The following CNTN4 variants were observed in gnomAD, a reference collection of about 807,000 sequenced individuals.
The protein encoded by CNTN4 is contactin-4.
Under a neutral mutation model 122.5 loss-of-function variants are expected in CNTN4, and 77 were observed. The ratio of observed to expected loss-of-function variants is 0.63; its 90% CI spans 0.52 to 0.76. The LOEUF is 0.76. Among genes scored for constraint, CNTN4 ranks in the 30% least tolerant of loss-of-function variants. The pLI is 0.00. For missense variants in CNTN4, 1,256 were observed against 1,259.1 expected (o/e 1.00, Z 0.04); for synonymous variants, 512 against 447.0 (o/e 1.15, Z -1.83).
chr3:2,763,227 A>G (rs138253800), intron 6 of CNTN4, among the ~76,000 whole-genome samples: 2,477 of 152,252 alleles, frequency 0.016, 38 homozygotes, highest in African/African-American at 0.043. Context: ...TTACAGGCGT[A>G]AGCCACCACA....
chr3:2,127,710 C>T (rs1298138658), intron 2 of CNTN4, among the ~76,000 whole-genome samples: 1 of 152,102 alleles, frequency 6.6e-6, no homozygotes, highest in African/African-American at 2.4e-5. Context: ...TGCTCAGTAC[C>T]AAGAATTCTT....
intron 2 of CNTN4, among the ~76,000 whole-genome samples, chr3:2,226,569 C>T (rs1257564635): frequency 6.6e-6 from 1 of 152,104 alleles, no homozygotes; most frequent in African/African-American, 2.4e-5. Flanking sequence ...AATTTCATTT[C>T]ATTAATTATG....
intron 3 of CNTN4, among the ~76,000 whole-genome samples, chr3:2,502,321 T>A (rs1217779237): frequency 6.6e-6 from 1 of 152,140 alleles, no homozygotes; most frequent in Non-Finnish European, 1.5e-5. Flanking sequence ...TCCTCTAGTA[T>A]CCCAGTTTTA....
intron 14 of CNTN4, among the ~76,000 whole-genome samples, chr3:2,989,785 C>T (rs1417580540): frequency 6.6e-6 from 1 of 152,122 alleles, no homozygotes; most frequent in African/African-American, 2.4e-5. Context: ...AAGTGCAGTT[C>T]TAGCTAGAGG....
chr3:2,394,461 A>G (rs2046562638), intron 3 of CNTN4, among the ~76,000 whole-genome samples: 1 of 152,212 alleles, frequency 6.6e-6, no homozygotes, highest in Non-Finnish European at 1.5e-5. Flanking sequence ...ACCAATGTAC[A>G]CATGAAAAAA....
intron 2 of CNTN4, among the ~76,000 whole-genome samples, chr3:2,259,431 C>G (rs1401362322): frequency 2.0e-5 from 3 of 152,060 alleles, no homozygotes; most frequent in Admixed American, 6.6e-5. Flanking sequence ...GCAACACAGC[C>G]AAAAGTCTAT....
intron 4 of CNTN4, among the ~76,000 whole-genome samples, chr3:2,729,738 C>T (rs561393194): frequency 1.1e-4 from 16 of 151,688 alleles, no homozygotes; most frequent in Non-Finnish European, 2.2e-4. Flanking sequence ...CATGCTGAAA[C>T]CCCGTCTCTA....
intron 3 of CNTN4, among the ~76,000 whole-genome samples, chr3:2,393,223 A>C (rs1280178375): frequency 1.3e-5 from 2 of 148,938 alleles, no homozygotes; most frequent in Admixed American, 6.8e-5. Flanking sequence ...TCCTATTTTT[A>C]TGAGAATACC....
chr3:2,284,308 CAATTA>C (rs2041829579), intron 2 of CNTN4, among the ~76,000 whole-genome samples: 1 of 151,982 alleles, frequency 6.6e-6, no homozygotes, highest in Non-Finnish European at 1.5e-5. Flanking sequence ...GATGCAAAAC[CAATTA>C]AATTATTTGA....
Position 2,377,304 on chromosome 3 carries a change from A to C in CNTN4, c.-89+38071A>C, listed in dbSNP as rs572901662. ...GGAAGGAAGCAAATGGGTTGCATTG[A>C]ACTCTCTTTAATATGAGTGCTATCT... is the stretch of plus-strand genomic sequence containing the variant. On this transcript the variant is annotated intron_variant, in intron 3 of 24. Transcript: ENST00000418658. Among the ~76,000 whole-genome samples, 9 of 152,316 alleles carry C rather than the reference A, an allele frequency of 5.9e-5. 1 individual carries two copies. The South Asian group carries it at 1.9e-3, about 32-fold the overall frequency.
chr3:2,991,559 G>T (rs1338071674), intron 14 of CNTN4, among the ~76,000 whole-genome samples: 1 of 152,180 alleles, frequency 6.6e-6, no homozygotes, highest in African/African-American at 2.4e-5. Context: ...TTATCTCCCA[G>T]TGTGGTTGGT....
At chr3:2,724,243 A>G (rs1205490312) in intron 4 of CNTN4, among the ~76,000 whole-genome samples, 1 of 152,144 alleles carries the variant, frequency 6.6e-6, no homozygotes, top group Non-Finnish European at 1.5e-5. Flanking sequence ...AATGTAGAAC[A>G]TATGTCTGGT....
chr3:2,976,945 T>A (rs1422913340), intron 13 of CNTN4, among the ~76,000 whole-genome samples: 1 of 152,038 alleles, frequency 6.6e-6, no homozygotes, highest in Non-Finnish European at 1.5e-5. Context: ...AGCCTACCCA[T>A]GCCAATTAAT....
intron 6 of CNTN4, among the ~76,000 whole-genome samples, chr3:2,787,888 C>T (rs1005375980): frequency 2.7e-5 from 4 of 150,882 alleles, no homozygotes; most frequent in Admixed American, 6.6e-5. Context: ...CTCCCAGGTT[C>T]AAGTGATTCT....
chr3:2,702,548 G>A (rs960932943), intron 4 of CNTN4, among the ~76,000 whole-genome samples: 4 of 152,180 alleles, frequency 2.6e-5, no homozygotes, highest in African/African-American at 9.7e-5. Context: ...CAGATAATTA[G>A]GCAAAATTTA....
intron 4 of CNTN4, among the ~76,000 whole-genome samples, chr3:2,705,931 A>T (rs1239605716): frequency 7.9e-6 from 1 of 126,870 alleles, no homozygotes; most frequent in African/African-American, 3.0e-5. Flanking sequence ...GTAATATATA[A>T]TTTATAAATA....
chr3:2,621,011 T>G (rs2081968462), intron 4 of CNTN4, among the ~76,000 whole-genome samples: 1 of 152,204 alleles, frequency 6.6e-6, no homozygotes. Context: ...TTATTTTAAC[T>G]CACCAAATCT....
At chr3:2,934,476 C>T (rs1349642143) in intron 13 of CNTN4, among the ~76,000 whole-genome samples, 1 of 152,250 alleles carries the variant, frequency 6.6e-6, no homozygotes, top group Admixed American at 6.5e-5. Context: ...CTCTGTGTTG[C>T]ACACAAGGTG....
intron 16 of CNTN4, 77 bp downstream of exon 16, chr3:3,031,052 C>T (rs1699118332): frequency 1.9e-6 from 3 of 1,585,104 alleles, no homozygotes. Context: ...CCAGAAACCT[C>T]AGTGGTTTAG....
Sources: allele counts gnomAD v4.1 joint callset (sites outside exome capture counted in the v4.1 genomes callset), GRCh38; gene constraint gnomAD v4.1.1; transcripts MANE v1.5; gene names NCBI Gene and HGNC (gene_info 2026-07-23, HGNC 2026-07-21).